CAST: variants seen among roughly 807,000 people sequenced by gnomAD.
The protein encoded by CAST is MIR583 host.
In CAST, 76 loss-of-function variants were observed where a neutral mutation model predicts 119.6. The observed-to-expected ratio is 0.64, with a 90% CI of 0.53 to 0.77. The LOEUF is 0.77. CAST is among the 30% of genes least tolerant of loss of function. CAST has a pLI of 0.00. For missense variants in CAST, 953 were observed against 946.5 expected (o/e 1.01, Z -0.09); for synonymous variants, 319 against 331.6 (o/e 0.96, Z 0.41).
At chr5:96,381,640 T>C in the CAST span, among the ~76,000 whole-genome samples, 4 of 152,222 alleles carry the variant, frequency 2.6e-5, no homozygotes, top group Admixed American at 6.5e-5. Context: ...ATTTCGCTCA[T>C]GTGTGCCTGA....
the CAST span, among the ~76,000 whole-genome samples, chr5:96,257,023 GGC>G: frequency 5.3e-3 from 806 of 152,252 alleles, 6 homozygotes; most frequent in African/African-American, 0.018. Flanking sequence ...TGGCCCAGAT[GGC>G]GCTGTGATTC....
the CAST span, among the ~76,000 whole-genome samples, chr5:96,280,802 C>T: frequency 0.16 from 24,065 of 150,886 alleles, 2,754 homozygotes; most frequent in African/African-American, 0.31. Flanking sequence ...TGTATGTATT[C>T]ACACTAACAC....
chr5:96,028,767 G>A, the CAST span, among the ~76,000 whole-genome samples: 2 of 152,050 alleles, frequency 1.3e-5, no homozygotes, highest in African/African-American at 4.8e-5. Context: ...TAATAAAAAA[G>A]CTGACGTTAA....
chr5:96,618,880 C>T (rs537068060), intron 1 of CAST, among the ~76,000 whole-genome samples: 4 of 152,344 alleles, frequency 2.6e-5, no homozygotes, highest in South Asian at 2.1e-4. Context: ...CAGCTCTGCC[C>T]GCAGCCCCGG....
At chr5:96,108,483 G>A in the CAST span, among the ~76,000 whole-genome samples, 1,056 of 150,520 alleles carry the variant, frequency 7.0e-3, 16 homozygotes, top group African/African-American at 0.024. Flanking sequence ...GTACCCGGCC[G>A]TGTGAGGTGT....
Position 96,568,926 on chromosome 5 carries a change from T to G in CAST, c.60+39046T>G, listed in dbSNP as rs529742889. On this transcript the variant is annotated intron_variant, in intron 1 of 11. Coordinates refer to the CAST transcript ENST00000505143. ...GATGAGAAGTCAGCAGTGAAGCAGC[T>G]TTTGCTGTTGTGTCAGAGCAGAAAA... 3.3e-5 allele frequency among the ~76,000 whole-genome samples: 5 copies of G among 152,192 alleles called. No individual in the cohort carries two copies. The East Asian group carries it at 9.7e-4, about 29-fold the overall frequency.
chr5:96,275,007 G>A, the CAST span, among the ~76,000 whole-genome samples: 1 of 152,184 alleles, frequency 6.6e-6, no homozygotes, highest in South Asian at 2.1e-4. Flanking sequence ...TTGAGGAAGG[G>A]GAGATGAGGA....
At chr5:96,738,361 A>G (rs1762054794) in intron 11 of CAST, among the ~76,000 whole-genome samples, 1 of 152,172 alleles carries the variant, frequency 6.6e-6, no homozygotes, top group African/African-American at 2.4e-5. Flanking sequence ...TTGCATAGAA[A>G]CAGGATGATG....
chr5:96,096,371 GTTATTC>G, the CAST span, among the ~76,000 whole-genome samples: 2 of 152,176 alleles, frequency 1.3e-5, no homozygotes, highest in Admixed American at 1.3e-4. Context: ...AAAGTTAACT[GTTATTC>G]TTATTTAGAG....
the CAST span, among the ~76,000 whole-genome samples, chr5:96,202,274 T>C: frequency 6.5e-3 from 983 of 152,208 alleles, 9 homozygotes; most frequent in African/African-American, 0.023. Flanking sequence ...TATGATATTA[T>C]TAACATATAA....
intron 1 of CAST, among the ~76,000 whole-genome samples, chr5:96,585,644 G>A (rs537009869): frequency 1.6e-4 from 25 of 152,262 alleles, no homozygotes; most frequent in African/African-American, 5.8e-4. Context: ...TTCTCTTGCT[G>A]GCAAAAGCAT....
chr5:96,197,574 C>G, the CAST span, among the ~76,000 whole-genome samples: 1 of 152,042 alleles, frequency 6.6e-6, no homozygotes. Flanking sequence ...AAAGGGAAGT[C>G]GTATGTTGAC....
At chr5:95,978,872 G>A in the CAST span, among the ~76,000 whole-genome samples, 1 of 152,012 alleles carries the variant, frequency 6.6e-6, no homozygotes, top group South Asian at 2.1e-4. Flanking sequence ...AAATTAATTG[G>A]GCATTTAAAG....
the CAST span, chr5:96,390,908 T>C: frequency 1.3e-5 from 2 of 152,692 alleles, no homozygotes; most frequent in African/African-American, 4.8e-5. Flanking sequence ...ACCCAATGAG[T>C]TGGCTGGGGT....
upstream of CAST, among the ~76,000 whole-genome samples, chr5:96,522,986 A>C (rs1406685993): frequency 6.6e-6 from 1 of 152,222 alleles, no homozygotes; most frequent in African/African-American, 2.4e-5. Context: ...TTCAGCATTC[A>C]TTCAGCATCC....
the CAST span, among the ~76,000 whole-genome samples, chr5:96,106,152 C>T: frequency 3.6e-3 from 549 of 152,164 alleles, 2 homozygotes; most frequent in African/African-American, 4.6e-3. Flanking sequence ...TTGCTAGCGG[C>T]CTATCAATTT....
At position 96,746,347 on chromosome 5, in the gene CAST, A is replaced by G. The variant is rs369124478; in HGVS notation, c.1206A>G (p.Lys402=). 3 of 1,602,212 alleles carry G rather than the reference A, an allele frequency of 1.9e-6. No homozygotes were observed. The highest frequency in any genetic ancestry group is 2.7e-5 in the African/African-American group (2 of 74,670). The change falls in exon 17 of 32, where the codon AAA becomes AAG. Residue 402 remains lysine (K), a synonymous_variant. Coordinates refer to ENST00000675179, the MANE Select transcript of CAST (RefSeq NM_001750.7). ...TTCCCCTCCATTTTCATCAGGCAAA[A>G]GCTAAAGAAGAAAAACTAGAGAAGT... The part of the protein sequence containing the change: ...LRSIKEVDEA[K]AKEEKLEKCG...
At chr5:96,642,820 A>C (rs1747968753) in intron 1 of CAST, among the ~76,000 whole-genome samples, 1 of 152,190 alleles carries the variant, frequency 6.6e-6, no homozygotes, top group African/African-American at 2.4e-5. Context: ...AAGTGCTGGG[A>C]TTACAGGTGT....
upstream of CAST, among the ~76,000 whole-genome samples, chr5:96,659,282 G>A (rs747040739): frequency 2.6e-5 from 4 of 152,190 alleles, no homozygotes; most frequent in Non-Finnish European, 4.4e-5. Flanking sequence ...AGACATGCTC[G>A]AGGCACGGTT....
Sources: allele counts gnomAD v4.1 joint callset (sites outside exome capture counted in the v4.1 genomes callset), GRCh38; gene constraint gnomAD v4.1.1; transcripts MANE v1.5; gene names NCBI Gene and HGNC (gene_info 2026-07-23, HGNC 2026-07-21).